Variants in NRF1 observed in about 807,000 individuals in gnomAD.
The protein encoded by NRF1 is alpha palindromic-binding protein.
A neutral mutation model predicts 58.5 loss-of-function variants in NRF1; 5 were observed. That is an observed-to-expected ratio of 0.09 (90% CI 0.04 to 0.18). NRF1 has a LOEUF of 0.18. Among genes scored for constraint, NRF1 ranks in the 10% least tolerant of loss-of-function variants. The probability of loss-of-function intolerance (pLI) is 1.00; values close to 1 mark genes in which losing one functional copy is unlikely to be tolerated. For synonymous variants in NRF1, 224 were observed against 246.7 expected (o/e 0.91, Z 0.86); for missense variants, 288 against 657.7 (o/e 0.44, Z 6.15).
intron 1 of NRF1, among the ~76,000 whole-genome samples, chr7:129,638,148 G>A (rs1194253870): frequency 6.6e-6 from 1 of 151,664 alleles, no homozygotes; most frequent in Non-Finnish European, 1.5e-5. Flanking sequence ...GTGATATGTG[G>A]TGTTTTTTTC....
At chr7:129,710,768 G>A (rs766019752) in intron 7 of NRF1, among the ~76,000 whole-genome samples, 197 bp downstream of exon 7, 4 of 151,952 alleles carry the variant, frequency 2.6e-5, no homozygotes, top group Non-Finnish European at 4.4e-5. Context: ...GCTATGAGTA[G>A]CTTCCTGGAC....
rs1329269317 is a variant in NRF1, at chr7:129,681,933, A to G, written c.465+4175A>G. On this transcript the variant is annotated intron_variant, in intron 4 of 10. Transcript: ENST00000393232. Reference sequence around the variant, plus strand: ...GGACCTCATCTCTACAAAAAAAAAAAAAGCCAGGCATACTGGCCCACATCT... The same window carrying G: ...GGACCTCATCTCTACAAAAAAAAAAGAAGCCAGGCATACTGGCCCACATCT... Among the ~76,000 whole-genome samples the G allele has an allele frequency of 2.6e-5, 4 of 151,768 alleles. 1 individual carries two copies. The highest frequency in any genetic ancestry group is 7.2e-5 in the African/African-American group (3 of 41,410).
At chr7:129,645,427 A>G (rs570711763) in intron 1 of NRF1, among the ~76,000 whole-genome samples, 13 of 152,306 alleles carry the variant, frequency 8.5e-5, no homozygotes, top group Non-Finnish European at 1.5e-4. Flanking sequence ...ACACTTGTAC[A>G]TGCTGAGCCC....
chr7:129,618,244 C>T (rs1036733754), intron 1 of NRF1, among the ~76,000 whole-genome samples: 3 of 151,990 alleles, frequency 2.0e-5, no homozygotes, highest in African/African-American at 7.2e-5. Context: ...ATAGGAAGAA[C>T]AGAATTTGAG....
In NRF1 at chr7:129,727,331, C is replaced by T. The variant is rs932828648; in HGVS notation, c.1314C>T (p.Ala438=). The change falls in exon 10 of 11, where the codon GCC becomes GCT. Residue 438 remains alanine (A), a synonymous_variant. Coordinates refer to ENST00000393232, the MANE Select transcript of NRF1 (RefSeq NM_005011.5). ...TCTTGTCTGGGGAAACCGCAGCAGC[C>T]GTCGGAGCACTTACTGGAGTCCAAG... ...QIVLSGETAA[A]VGALTGVQDA... The T allele has an allele frequency of 2.6e-5, 41 of 1,607,760 alleles. No homozygotes were observed. Among genetic ancestry groups the T allele is most frequent in the African/African-American group, 4.0e-5 (3 of 74,520 alleles).
chr7:129,629,549 A>G (rs1166938691), intron 1 of NRF1, among the ~76,000 whole-genome samples: 2 of 151,658 alleles, frequency 1.3e-5, no homozygotes, highest in Non-Finnish European at 2.9e-5. Context: ...TGCTGGGATT[A>G]CAGGTGTGAG....
At chr7:129,695,047 C>T (rs182088732) in intron 5 of NRF1, among the ~76,000 whole-genome samples, 5 of 152,234 alleles carry the variant, frequency 3.3e-5, no homozygotes, top group Admixed American at 2.6e-4. Context: ...TGATGATTTG[C>T]TCTTTATTGC....
chr7:129,691,480 G>A (rs1018676227), intron 5 of NRF1, among the ~76,000 whole-genome samples: 7 of 150,822 alleles, frequency 4.6e-5, no homozygotes, highest in Admixed American at 3.3e-4. Flanking sequence ...TCGTGCCTCC[G>A]AATAGCTGTG....
intron 5 of NRF1, among the ~76,000 whole-genome samples, chr7:129,699,959 G>GGTCTCCACTAA (rs1802782266): frequency 7.6e-6 from 1 of 132,116 alleles, no homozygotes; most frequent in African/African-American, 2.9e-5. Flanking sequence ...CCAACATAGT[G>GGTCTCCACTAA]AAACCCCGTC....
chr7:129,658,940 C>T (rs1480954270), intron 2 of NRF1, among the ~76,000 whole-genome samples: 1 of 152,066 alleles, frequency 6.6e-6, no homozygotes, highest in Non-Finnish European at 1.5e-5. Context: ...AGAAATGATA[C>T]AGAAGGACGT....
At chr7:129,626,674 T>C (rs984463476) in intron 1 of NRF1, among the ~76,000 whole-genome samples, 4 of 152,204 alleles carry the variant, frequency 2.6e-5, no homozygotes, top group African/African-American at 9.7e-5. Flanking sequence ...CTATCAGATT[T>C]CTTAAATGCT....
chr7:129,706,442 A>T (rs1170965854), intron 5 of NRF1, among the ~76,000 whole-genome samples: 2 of 152,170 alleles, frequency 1.3e-5, no homozygotes, highest in African/African-American at 4.8e-5. Flanking sequence ...AGGGATAGAC[A>T]CCAGAGACGT....
intron 2 of NRF1, among the ~76,000 whole-genome samples, chr7:129,663,153 C>T (rs533976137): frequency 6.6e-6 from 1 of 152,306 alleles, no homozygotes; most frequent in South Asian, 2.1e-4. Flanking sequence ...ATGTCTACTT[C>T]TTTCTACACA....
At chr7:129,749,054 C>T (rs1196450208) in intron 10 of NRF1, among the ~76,000 whole-genome samples, 1 of 152,208 alleles carries the variant, frequency 6.6e-6, no homozygotes, top group Non-Finnish European at 1.5e-5. Flanking sequence ...TGTAAAACCT[C>T]ATGGCCCCTT....
chr7:129,685,310 G>A (rs1802418031), intron 4 of NRF1, among the ~76,000 whole-genome samples: 1 of 152,086 alleles, frequency 6.6e-6, no homozygotes, highest in African/African-American at 2.4e-5. Flanking sequence ...CAGCTACTTG[G>A]GAGGCTGAGG....
chr7:129,728,498 A>G (rs542853726), intron 10 of NRF1, among the ~76,000 whole-genome samples: 2 of 150,976 alleles, frequency 1.3e-5, no homozygotes, highest in African/African-American at 4.9e-5. Context: ...AAAAAAACCA[A>G]TCCTGGAATG....
intron 5 of NRF1, among the ~76,000 whole-genome samples, chr7:129,694,513 C>T (rs1220128648): frequency 4.6e-5 from 7 of 152,006 alleles, no homozygotes; most frequent in African/African-American, 1.7e-4. Flanking sequence ...TACAGGCATG[C>T]GCCACCATGC....
chr7:129,745,769 G>T (rs565738370), intron 10 of NRF1, among the ~76,000 whole-genome samples: 2 of 152,220 alleles, frequency 1.3e-5, no homozygotes, highest in South Asian at 4.1e-4. Flanking sequence ...GTTTCATAAC[G>T]CTCCTGGGCA....
intron 2 of NRF1, among the ~76,000 whole-genome samples, chr7:129,667,965 A>G (rs1018618036): frequency 2.0e-5 from 3 of 151,952 alleles, no homozygotes; most frequent in African/African-American, 7.3e-5. Flanking sequence ...GAGTCTTGCT[A>G]TGGTGCCCAG....
Sources: allele counts gnomAD v4.1 joint callset (sites outside exome capture counted in the v4.1 genomes callset), GRCh38; gene constraint gnomAD v4.1.1; transcripts MANE v1.5; gene names NCBI Gene and HGNC (gene_info 2026-07-23, HGNC 2026-07-21).